DSG2: variants seen among roughly 807,000 people sequenced by gnomAD.
The protein encoded by DSG2 is desmoglein 2, also known as desmoglein-2.
In DSG2, 45 loss-of-function variants were observed where a neutral mutation model predicts 75.6. The ratio of observed to expected loss-of-function variants is 0.60; its 90% confidence interval spans 0.47 to 0.76. The LOEUF (loss-of-function observed/expected upper bound fraction) is 0.76. DSG2 is among the 30% of genes least tolerant of loss of function. The pLI, the probability that DSG2 is intolerant of heterozygous loss-of-function variation, is 0.00. For synonymous variants in DSG2, 429 were observed against 483.9 expected (o/e 0.89, Z 1.49); for missense variants, 1,267 against 1,357.4 (o/e 0.93, Z 1.05).
chr18:31,508,038 T>G (rs989963929), intron 1 of DSG2, among the ~76,000 whole-genome samples: 3 of 152,224 alleles, frequency 2.0e-5, no homozygotes, highest in Non-Finnish European at 4.4e-5. Flanking sequence ...TAGGTTTTCT[T>G]CTAGGATTTT....
At position 31,530,429 on chromosome 18, in the gene DSG2, A is replaced by G. The variant is rs949926290; in HGVS notation, c.1015-558A>G. Among the ~76,000 whole-genome samples, 11 of 152,190 alleles carry G rather than the reference A, an allele frequency of 7.2e-5. No homozygotes were observed. In the East Asian group the frequency reaches 1.5e-3, roughly 21 times the overall value. On this transcript the variant is annotated intron_variant, in intron 8 of 14. Transcript: ENST00000261590. ...CATATCTATAGATATGTGTGTGTGT[A>G]TGTTTTGAGACAGGGTCTCACTTTA...
At chr18:31,541,417 T>G in intron 13 of DSG2, 103 bp downstream of exon 13, 7 of 1,402,842 alleles carry the variant, frequency 5.0e-6, no homozygotes, top group Non-Finnish European at 6.9e-6. Flanking sequence ...AAGTGATCAC[T>G]ATGGATTTCA....
chr18:31,522,479 A>G (rs1237451019), intron 6 of DSG2: 1 of 418,850 alleles, frequency 2.4e-6, no homozygotes, highest in African/African-American at 2.0e-5. Flanking sequence ...TTGAATGTGT[A>G]ATATATGCAC....
At position 31,530,040 on chromosome 18, in the gene DSG2, T is replaced by A. The variant is rs568201845; in HGVS notation, c.1015-947T>A. On this transcript the variant is annotated intron_variant, in intron 8 of 14. Coordinates refer to ENST00000261590, the MANE Select transcript of DSG2 (RefSeq NM_001943.5). ...AAATATGTATACAGTAATGAACTGA[T>A]TATTTCAAATGGAAATTGTGCTATT... is the stretch of plus-strand genomic sequence containing the variant. Among the ~76,000 whole-genome samples, 7 of 152,306 alleles carry A rather than the reference T, an allele frequency of 4.6e-5. No individual in the cohort carries two copies. The South Asian group carries it at 1.5e-3, about 32-fold the overall frequency.
intron 1 of DSG2, among the ~76,000 whole-genome samples, chr18:31,499,224 A>G (rs2073001238): frequency 6.6e-6 from 1 of 152,188 alleles, no homozygotes; most frequent in African/African-American, 2.4e-5. Flanking sequence ...GTTTACAGAG[A>G]TTAGATGCAA....
At chr18:31,504,424 T>A (rs2073028755) in intron 1 of DSG2, among the ~76,000 whole-genome samples, 1 of 152,232 alleles carries the variant, frequency 6.6e-6, no homozygotes, top group South Asian at 2.1e-4. Flanking sequence ...TCATCTTCTT[T>A]TAAAACCATT....
chr18:31,514,643 A>C (rs780026018), intron 1 of DSG2, among the ~76,000 whole-genome samples: 13 of 152,202 alleles, frequency 8.5e-5, no homozygotes, highest in Non-Finnish European at 1.8e-4. Context: ...CAACATTGCT[A>C]TCATCTGAAA....
At chr18:31,537,455 T>A (rs1463848686) in intron 11 of DSG2, among the ~76,000 whole-genome samples, 1 of 151,914 alleles carries the variant, frequency 6.6e-6, no homozygotes, top group Non-Finnish European at 1.5e-5. Context: ...CCGTCTCTAC[T>A]AAAAATACAA....
At chr18:31,513,225 T>G (rs2073076497) in intron 1 of DSG2, among the ~76,000 whole-genome samples, 1 of 152,234 alleles carries the variant, frequency 6.6e-6, no homozygotes, top group Admixed American at 6.5e-5. Flanking sequence ...TTCTGTAACT[T>G]AAAGCCTTTA....
Position 31,546,935 on chromosome 18 carries a change from C to T in DSG2, c.*192C>T. 1.5e-6 allele frequency: 1 copy of T among 684,430 alleles called. No individual in the cohort carries two copies. The highest frequency in any genetic ancestry group is 1.7e-5 in the South Asian group (1 of 58,922). The allele number at this position is 684,430 out of a possible 1,614,324, so 42.4% of individuals were successfully genotyped here. ...TTCCAGGAGTATTTTAGAAATGTTC[C>T]ACAATTTACTGAAGACATAGAGATG... On this transcript the variant is annotated 3_prime_UTR_variant, in exon 15 of 15. Coordinates refer to ENST00000261590, the MANE Select transcript of DSG2 (RefSeq NM_001943.5).
chr18:31,545,865 G>C lies in DSG2; in HGVS notation c.2479G>C (p.Asp827His), dbSNP rs2073302233. ...AGGAGAGCTAGATGACCGCTTCTTA[G>C]ATGATTTGGGACTTAAATTCAAGAC... ...IEGELDDRFLDDLGLKFKTLA... is the reference protein window; with the variant it reads ...IEGELDDRFLHDLGLKFKTLA... The change falls in exon 15 of 15, where the codon GAT becomes CAT. Residue 827 changes from aspartate to histidine, a missense_variant. By Grantham distance (81) the Asp-to-His change is moderately conservative. Coordinates refer to ENST00000261590, the MANE Select transcript of DSG2 (RefSeq NM_001943.5). 1 of 1,614,166 alleles carries C rather than the reference G, an allele frequency of 6.2e-7. No individual in the cohort carries two copies. Among genetic ancestry groups the C allele is most frequent in the Non-Finnish European group, 8.5e-7 (1 of 1,180,024 alleles).
intron 1 of DSG2, among the ~76,000 whole-genome samples, chr18:31,511,888 CCT>C (rs1437865268): frequency 1.3e-5 from 2 of 152,168 alleles, no homozygotes; most frequent in Admixed American, 1.3e-4. Context: ...CTACGATCCC[CCT>C]GATAGCCGCT....
chr18:31,532,907 TTTTGTTTG>T (rs78547095), intron 9 of DSG2, among the ~76,000 whole-genome samples: 34,893 of 150,026 alleles, frequency 0.23, 4,521 homozygotes, highest in East Asian at 0.47. Context: ...TTGGCTGCTG[TTTTGTTTG>T]TTTGTTTGTT....
intron 1 of DSG2, among the ~76,000 whole-genome samples, chr18:31,517,870 A>G (rs2073102834): frequency 6.6e-6 from 1 of 152,116 alleles, no homozygotes. Context: ...GGTGTGGGGT[A>G]CATTACATAC....
chr18:31,502,782 AAGGG>A (rs1429047346), intron 1 of DSG2, among the ~76,000 whole-genome samples: 2 of 151,468 alleles, frequency 1.3e-5, no homozygotes, highest in East Asian at 2.0e-4. Flanking sequence ...GGAAGAAAGG[AAGGG>A]AGGGAGGGAG....
rs139772562 is a variant in DSG2, at chr18:31,506,472, C to T, written c.45+8176C>T. Among the ~76,000 whole-genome samples the T allele has an allele frequency of 2.7e-3, 409 of 152,286 alleles. 1 individual carries two copies. The highest frequency in any genetic ancestry group is 9.5e-3 in the African/African-American group (394 of 41,550). ...CACTTATTTGAGACCAATGAAACGCCTGCTTCCCACTTTAGACCTTGGAAT... is the reference window on the plus strand; with the variant it reads ...CACTTATTTGAGACCAATGAAACGCTTGCTTCCCACTTTAGACCTTGGAAT... On this transcript the variant is annotated intron_variant, in intron 1 of 14. Transcript: ENST00000261590.
intron 1 of DSG2, among the ~76,000 whole-genome samples, chr18:31,499,056 T>C (rs1231177855): frequency 1.3e-5 from 2 of 152,278 alleles, no homozygotes; most frequent in East Asian, 3.9e-4. Flanking sequence ...AGAGTTCTTT[T>C]GCTCAAATTG....
intron 11 of DSG2, 68 bp from the exon 12 acceptor site, chr18:31,538,682 TG>T: frequency 8.2e-7 from 1 of 1,226,376 alleles, no homozygotes; most frequent in Non-Finnish European, 1.2e-6. Context: ...AGAACATTTG[TG>T]GAATTTAATG....
chr18:31,512,789 C>T (rs1322336219), intron 1 of DSG2, among the ~76,000 whole-genome samples: 1 of 152,216 alleles, frequency 6.6e-6, no homozygotes, highest in African/African-American at 2.4e-5. Flanking sequence ...AAGTCACTCT[C>T]TACTATCCTG....
Sources: gnomAD v4.1 joint callset for allele counts (sites outside exome capture counted in the v4.1 genomes callset) on GRCh38, gnomAD v4.1.1 for gene constraint, MANE v1.5 for transcripts, NCBI Gene and HGNC (gene_info 2026-07-23, HGNC 2026-07-21) for gene names.